Variants in PHF14 observed in about 807,000 individuals in gnomAD.
PHF14 encodes PHD finger protein 14.
Under a neutral mutation model 117.9 loss-of-function variants are expected in PHF14, and 55 were observed. The observed-to-expected ratio is 0.47, with a 90% CI of 0.38 to 0.58. The LOEUF is 0.58. Ranked by LOEUF, PHF14 falls within the 20% of genes least tolerant of loss-of-function variation. PHF14 has a pLI of 0.00. For missense variants in PHF14, 978 were observed against 1,122.2 expected (o/e 0.87, Z 1.84); for synonymous variants, 409 against 368.6 (o/e 1.11, Z -1.26).
chr7:11,095,333 A>C (rs1458452483), intron 16 of PHF14, among the ~76,000 whole-genome samples: 3 of 152,222 alleles, frequency 2.0e-5, no homozygotes, highest in Admixed American at 1.3e-4. Flanking sequence ...ATACTGACAG[A>C]GCTGGGATTT....
At chr7:11,002,970 C>T (rs1334532223) in intron 4 of PHF14, among the ~76,000 whole-genome samples, 14 of 151,126 alleles carry the variant, frequency 9.3e-5, no homozygotes, top group Admixed American at 4.6e-4. Flanking sequence ...TTTTTTGAGA[C>T]GGAGTCTCGC....
At chr7:11,075,569 T>G (rs1222017887) in intron 16 of PHF14, among the ~76,000 whole-genome samples, 11 of 57,238 alleles carry the variant, frequency 1.9e-4, no homozygotes, top group Non-Finnish European at 2.8e-4. Context: ...AAGAGGTTTT[T>G]TTTTTTTTTT....
intron 16 of PHF14, among the ~76,000 whole-genome samples, chr7:11,074,450 T>C (rs1785750507): frequency 6.6e-6 from 1 of 152,132 alleles, no homozygotes; most frequent in Non-Finnish European, 1.5e-5. Flanking sequence ...GACCTCGTGA[T>C]CCGCCTGCTT....
chr7:10,989,764 G>A (rs541674568), intron 3 of PHF14, among the ~76,000 whole-genome samples: 1 of 152,172 alleles, frequency 6.6e-6, no homozygotes, highest in East Asian at 1.9e-4. Flanking sequence ...CTGAGTACCT[G>A]GGACTAAGGG....
At chr7:11,032,588 G>A (rs764959625) in intron 7 of PHF14, among the ~76,000 whole-genome samples, 2 of 151,994 alleles carry the variant, frequency 1.3e-5, no homozygotes, top group East Asian at 3.9e-4. Flanking sequence ...GATTTTGTTT[G>A]TTAGGAGTAG....
chr7:10,974,978 G>A (rs1373224706), intron 2 of PHF14, 33 bp downstream of exon 2: 3 of 1,080,112 alleles, frequency 2.8e-6, no homozygotes, highest in African/African-American at 1.6e-5. Flanking sequence ...CCCTTTCCCA[G>A]CTTTCTGGAG....
At chr7:10,983,258 A>G (rs1232226693) in intron 3 of PHF14, 99 bp downstream of exon 3, 7 of 1,344,020 alleles carry the variant, frequency 5.2e-6, no homozygotes, top group Middle Eastern at 2.0e-4. Flanking sequence ...TTGAAATCCT[A>G]TTTATAGACG....
At chr7:11,064,765 T>C (rs1785367684) in intron 16 of PHF14, among the ~76,000 whole-genome samples, 1 of 152,036 alleles carries the variant, frequency 6.6e-6, no homozygotes, top group African/African-American at 2.4e-5. Context: ...TCAACTGTTA[T>C]TTTCTGCTTT....
chr7:11,020,232 G>A (rs1002425556), intron 5 of PHF14, among the ~76,000 whole-genome samples: 3 of 151,842 alleles, frequency 2.0e-5, no homozygotes, highest in Non-Finnish European at 4.4e-5. Flanking sequence ...CAGGTTATAG[G>A]TGTGCGCCAC....
At chr7:11,122,384 C>T (rs1360681038) in intron 17 of PHF14, among the ~76,000 whole-genome samples, 22 of 115,476 alleles carry the variant, frequency 1.9e-4, no homozygotes, top group Admixed American at 1.8e-4. Flanking sequence ...CACACACACA[C>T]ATACATACAC....
intron 17 of PHF14, among the ~76,000 whole-genome samples, chr7:11,167,597 T>C (rs1251657876): frequency 6.6e-6 from 1 of 152,194 alleles, no homozygotes; most frequent in Non-Finnish European, 1.5e-5. Flanking sequence ...GAGGAACAGA[T>C]GGACAAATTC....
At position 11,028,705 on chromosome 7, in the gene PHF14, C is replaced by G. The variant is rs1381854007; in HGVS notation, c.1342C>G (p.Arg448Gly). 2 of 1,613,490 alleles carry G rather than the reference C, an allele frequency of 1.2e-6. No individual in the cohort carries two copies. Among genetic ancestry groups the G allele is most frequent in the Non-Finnish European group, 1.7e-6 (2 of 1,179,672 alleles). Residue 448 changes from arginine to glycine, a missense_variant, in exon 7 of 18, where the codon CGC becomes GGC. Physicochemically the swap from Arg to Gly is moderately radical, Grantham distance 125 (BLOSUM62 -2). Coordinates refer to ENST00000634607, the MANE Select transcript of PHF14 (RefSeq NM_001007157.2). ...AKECSFCEDPRFARTGVCISC... is the reference protein window; with the variant it reads ...AKECSFCEDPGFARTGVCISC... Reference sequence around the variant, plus strand: ...GGAGTGTAGCTTTTGTGAAGACCCTCGCTTTGCTAGAACTGGGGTTTGCAT... The same window carrying G: ...GGAGTGTAGCTTTTGTGAAGACCCTGGCTTTGCTAGAACTGGGGTTTGCAT...
At chr7:11,103,942 C>A in intron 16 of PHF14, 1 of 981,790 alleles carries the variant, frequency 1.0e-6, no homozygotes. Flanking sequence ...TAAGATAGGA[C>A]TAGTTGTCAC....
At chr7:11,097,919 G>A (rs1786938332) in intron 16 of PHF14, among the ~76,000 whole-genome samples, 1 of 152,092 alleles carries the variant, frequency 6.6e-6, no homozygotes, top group African/African-American at 2.4e-5. Context: ...AAATTTAAAG[G>A]AAGGGGTGTG....
intron 4 of PHF14, among the ~76,000 whole-genome samples, chr7:11,010,760 C>T (rs563638707): frequency 2.6e-5 from 4 of 152,188 alleles, no homozygotes; most frequent in African/African-American, 7.2e-5. Context: ...AAGTGATTCT[C>T]CCACCTCAGC....
At chr7:11,006,901 G>A (rs979375487) in intron 4 of PHF14, 8 of 512,760 alleles carry the variant, frequency 1.6e-5, no homozygotes, top group African/African-American at 7.8e-5. Context: ...TTGTCCTGGC[G>A]CGGTGGCTCA....
At chr7:11,053,728 G>C (rs1452495372) in intron 14 of PHF14, among the ~76,000 whole-genome samples, 6 of 152,016 alleles carry the variant, frequency 3.9e-5, no homozygotes, top group Non-Finnish European at 1.5e-5. Flanking sequence ...CCACAGTTCA[G>C]TATTACTTGA....
chr7:10,990,522 A>G (rs1782413172), intron 3 of PHF14, among the ~76,000 whole-genome samples, 181 bp from the exon 4 acceptor site: 1 of 152,210 alleles, frequency 6.6e-6, no homozygotes, highest in African/African-American at 2.4e-5. Context: ...GTTCTTTGAT[A>G]AAGAGGTCAA....
intron 6 of PHF14, among the ~76,000 whole-genome samples, chr7:11,025,273 T>C (rs1783868206): frequency 6.6e-6 from 1 of 152,188 alleles, no homozygotes; most frequent in Non-Finnish European, 1.5e-5. Flanking sequence ...CGAGTTGGAA[T>C]CTACTCCTGG....
Sources: allele counts gnomAD v4.1 joint callset (sites outside exome capture counted in the v4.1 genomes callset), GRCh38; gene constraint gnomAD v4.1.1; transcripts MANE v1.5; gene names NCBI Gene and HGNC (gene_info 2026-07-23, HGNC 2026-07-21).